Variants in MVP observed in about 807,000 individuals in gnomAD.
MVP encodes the protein major vault protein.
MVP carries 62 observed loss-of-function variants against 83.5 expected under a neutral mutation model. The observed-to-expected ratio is 0.74, with a 90% CI of 0.61 to 0.92. The LOEUF is 0.92. MVP is among the 40% of genes least tolerant of loss of function. MVP has a pLI of 0.00. For missense variants in MVP, 1,000 were observed against 1,203.4 expected (o/e 0.83, Z 2.50); for synonymous variants, 505 against 504.1 (o/e 1.00, Z -0.02).
chr16:29,844,919 G>T, intron 11 of MVP, 40 bp downstream of exon 11: 1 of 1,566,240 alleles, frequency 6.4e-7, no homozygotes, highest in South Asian at 1.2e-5. Flanking sequence ...TAATGCCCAT[G>T]GCAGGCCACT....
intron 8 of MVP, among the ~76,000 whole-genome samples, chr16:29,840,983 G>A (rs1351370970): frequency 1.3e-5 from 2 of 152,002 alleles, no homozygotes; most frequent in Non-Finnish European, 2.9e-5. Flanking sequence ...TGGGGGTTTA[G>A]GACAGGGACC....
chr16:29,838,882 T>C (rs2067510115), intron 7 of MVP, among the ~76,000 whole-genome samples: 2 of 151,694 alleles, frequency 1.3e-5, no homozygotes, highest in African/African-American at 4.8e-5. Flanking sequence ...AAATTGAAAA[T>C]GTTATGCTAA....
In MVP at chr16:29,847,795, A is replaced by G. The variant is rs1251601584; in HGVS notation, c.2488A>G (p.Thr830Ala). 2 of 1,614,030 alleles carry G rather than the reference A, an allele frequency of 1.2e-6. No homozygotes were observed. Among genetic ancestry groups the G allele is most frequent in the African/African-American group, 2.7e-5 (2 of 74,912 alleles). ...GCTCCAGTCCCTGGGCCTGAAATCA[A>G]CCCTCATCACCGATGGCTCCACTCC... ...KLLQSLGLKSTLITDGSTPIN... is the reference protein window; with the variant it reads ...KLLQSLGLKSALITDGSTPIN... The change falls in exon 15 of 15, where the codon ACC becomes GCC. Residue 830 changes from threonine (T) to alanine (A), a missense_variant. Transcript: ENST00000357402.
In MVP at chr16:29,841,531, C is replaced by A; in HGVS notation, c.1192-65C>A. ...TCCCTGGATGGGCTCTGCTTTGGGA[C>A]AGCTGGGCGGATCTTCCTCCCTTCC... On this transcript the variant is annotated intron_variant, in intron 8 of 14. Transcript: ENST00000357402. This position sits in a 1 kb window ranked among gnomAD's most constrained non-coding sequence, Gnocchi z 4.7. 1.3e-6 allele frequency: 2 copies of A among 1,515,978 alleles called. No individual in the cohort carries two copies. The highest frequency in any genetic ancestry group is 2.7e-5 in the South Asian group (2 of 75,066). 93.9% of individuals were successfully genotyped at this position (1,515,978 alleles called of 1,614,324 possible).
rs555637285 is a variant in MVP at position 29,847,312 on chromosome 16, A to C, written c.2381A>C (p.Lys794Thr). ...CAGCTGGCTGAGGTGGAGGTGAAGA[A>C]GTTCAAGCAGATGACAGAGGCCATA... is the stretch of plus-strand genomic sequence containing the variant. ...AQQLAEVEVK[K>T]FKQMTEAIGP... is the part of the protein sequence containing the mutation. The change falls in exon 14 of 15, where the codon AAG becomes ACG. Residue 794 changes from lysine to threonine, a missense_variant. Lys to Thr is a moderately conservative substitution (Grantham distance 78, BLOSUM62 -1). Coordinates refer to ENST00000357402, the MANE Select transcript of MVP (RefSeq NM_005115.5). The C allele has an allele frequency of 6.2e-7, 1 of 1,610,902 alleles. No homozygotes were observed. Among genetic ancestry groups the C allele is most frequent in the East Asian group, 2.2e-5 (1 of 44,798 alleles).
chr16:29,840,912 C>T (rs994147679), intron 8 of MVP, among the ~76,000 whole-genome samples: 7 of 151,906 alleles, frequency 4.6e-5, no homozygotes, highest in African/African-American at 1.5e-4. Context: ...GCACTTCAGC[C>T]AGGGTGACAG....
Position 29,840,393 on chromosome 16 carries a change from G to A in MVP, c.1125G>A (p.Glu375=). ...YVPSAKVEVV[E]ERQAIPLDEN... ...CATCTGCCAAAGTGGAGGTGGTGGA[G>A]GAGCGCCAGGCCATCCCTCTAGACG... Residue 375 remains glutamate (E), a synonymous_variant, in exon 8 of 15, where the codon GAG becomes GAA. Coordinates refer to ENST00000357402, the MANE Select transcript of MVP (RefSeq NM_005115.5). 2.5e-6 allele frequency: 4 copies of A among 1,594,078 alleles called. No individual in the cohort carries two copies. The highest frequency in any genetic ancestry group is 3.4e-6 in the Non-Finnish European group (4 of 1,171,264).
At chr16:29,834,147 G>T in intron 5 of MVP, 81 bp downstream of exon 5, 1 of 1,542,838 alleles carries the variant, frequency 6.5e-7, no homozygotes. Flanking sequence ...GTTGAGGAAA[G>T]CCTCCTGTAG....
At chr16:29,822,586 T>C (rs963994525) in intron 1 of MVP, 5 of 152,142 alleles carry the variant, frequency 3.3e-5, no homozygotes, top group Admixed American at 1.3e-4. Context: ...TCACCGACCT[T>C]ACGTCCAACC....
At chr16:29,837,108 G>T (rs979953179) in intron 7 of MVP, 150 bp downstream of exon 7, 20 of 724,284 alleles carry the variant, frequency 2.8e-5, no homozygotes, top group Non-Finnish European at 4.1e-5. Context: ...CTGAGACACT[G>T]GCCCATTTGA....
rs2067597318 is a variant in MVP, at chr16:29,847,642, CA to C, written c.2455-118del. 8.3e-6 allele frequency: 9 copies of C among 1,080,934 alleles called. No homozygotes were observed. The South Asian group carries it at 1.0e-4, about 12-fold the overall frequency. The allele number at this position is 1,080,934 out of a possible 1,614,324, so 67.0% of individuals were successfully genotyped here. On this transcript the variant is annotated intron_variant, in intron 14 of 14. Transcript: ENST00000357402. ...GTCTGACAGGCATTTCCAAGGCAGT[CA>C]AGCAGGGTGGTCAGATGCAGGGGAG...
rs1293368562 is a variant in MVP at position 29,845,854 on chromosome 16, C to T, written c.2022-9C>T. 1 of 1,612,978 alleles carries T rather than the reference C, an allele frequency of 6.2e-7. No individual in the cohort carries two copies. The highest frequency in any genetic ancestry group is 1.7e-5 in the Admixed American group (1 of 59,960). On this transcript the variant is annotated splice_polypyrimidine_tract_variant and intron_variant, in intron 11 of 14. Coordinates refer to ENST00000357402, the MANE Select transcript of MVP (RefSeq NM_005115.5). ...TGCCAGCCTCTCACCTGCGCTCCGT[C>T]TCCTCCAGGCATGAGGCTCAGAGAC... is the stretch of plus-strand genomic sequence containing the variant.
At chr16:29,846,951 G>A (rs2067590429) in intron 13 of MVP, among the ~76,000 whole-genome samples, 1 of 152,080 alleles carries the variant, frequency 6.6e-6, no homozygotes, top group South Asian at 2.1e-4. Context: ...GCTGAGATGG[G>A]AGGATCATTT....
At position 29,836,767 on chromosome 16, in the gene MVP, G is replaced by T. The variant is rs759732369; in HGVS notation, c.718G>T (p.Gly240Ter). ...TCGGCGGAACTTCCGGGACTTCAGG[G>T]GAGTGTCCCGCCGCACTGGGGAGGA... ...RARRNFRDFR[G>*]VSRRTGEEWL... The change falls in exon 7 of 15, where the codon GGA becomes TGA. Residue 240 changes from glycine to a stop codon, truncating the protein, a stop_gained. Coordinates refer to ENST00000357402, the MANE Select transcript of MVP (RefSeq NM_005115.5). LOFTEE classifies it high-confidence loss of function. 1 of 1,611,428 alleles carries T rather than the reference G, an allele frequency of 6.2e-7. No individual in the cohort carries two copies. Among genetic ancestry groups the T allele is most frequent in the Non-Finnish European group, 8.5e-7 (1 of 1,178,244 alleles).
chr16:29,847,220 G>A lies in MVP; in HGVS notation c.2289G>A (p.Gln763=). ...IETEAELQRV[Q]KVRELELVYA... ...AGGAGGCTGAGCTCCAGAGGGTCCA[G>A]AAGGTCCGAGAGCTGGAACTGGTCT... The change falls in exon 14 of 15, where the codon CAG becomes CAA. Residue 763 remains glutamine (Q), a synonymous_variant. Transcript: ENST00000357402. The A allele has an allele frequency of 6.2e-7, 1 of 1,613,562 alleles. No individual in the cohort carries two copies. Among genetic ancestry groups the A allele is most frequent in the Non-Finnish European group, 8.5e-7 (1 of 1,180,004 alleles).
chr16:29,838,889 C>G (rs2067510248), intron 7 of MVP, among the ~76,000 whole-genome samples: 1 of 151,980 alleles, frequency 6.6e-6, no homozygotes, highest in Admixed American at 6.6e-5. Context: ...AAATGTTATG[C>G]TAAGTGAAAG....
chr16:29,839,405 G>C (rs1455369544), intron 7 of MVP, among the ~76,000 whole-genome samples: 1 of 152,128 alleles, frequency 6.6e-6, no homozygotes. Context: ...GGACAACTTT[G>C]AGTATACTAA....
chr16:29,847,957 G>A lies in MVP; in HGVS notation c.2650G>A (p.Gly884Arg), dbSNP rs199989257. 6.2e-7 allele frequency: 1 copy of A among 1,609,866 alleles called. No homozygotes were observed. Among genetic ancestry groups the A allele is most frequent in the East Asian group, 2.2e-5 (1 of 44,868 alleles). The change falls in exon 15 of 15, where the codon GGA becomes AGA. Residue 884 changes from glycine (G) to arginine (R), a missense_variant. Transcript: ENST00000357402. ...PQSAQAPQAP[G>R]DNHVVPVLR ...GTCTGCTCAGGCCCCTCAAGCTCCT[G>A]GAGACAACCACGTGGTGCCTGTACT...
intron 2 of MVP, 51 bp from the exon 3 acceptor site, chr16:29,830,827 G>A (rs757192199): frequency 6.3e-7 from 1 of 1,586,400 alleles, no homozygotes; most frequent in African/African-American, 1.3e-5. Context: ...GTCCTCTTTG[G>A]TAGTGGAGAC....
Sources: allele counts gnomAD v4.1 joint callset (sites outside exome capture counted in the v4.1 genomes callset), GRCh38; gene constraint gnomAD v4.1.1; non-coding constraint Gnocchi (gnomAD v3.1); transcripts MANE v1.5; gene names NCBI Gene and HGNC (gene_info 2026-07-23, HGNC 2026-07-21).